Variants in DHRSX observed in about 807,000 individuals in gnomAD.
The protein encoded by DHRSX is dehydrogenase/reductase X-linked.
DHRSX carries 31 observed loss-of-function variants against 34.0 expected under a neutral mutation model. That is an observed-to-expected ratio of 0.91 (90% CI 0.69 to 1.23). The LOEUF (loss-of-function observed/expected upper bound fraction) is 1.23. DHRSX is among the 50% of genes most tolerant of loss of function. DHRSX has a pLI of 0.00. For missense variants in DHRSX, 414 were observed against 428.1 expected (o/e 0.97, Z 0.29); for synonymous variants, 201 against 183.8 (o/e 1.09, Z -0.76).
At chrX:2,275,858 T>G (rs2041624602) in intron 4 of DHRSX, among the ~76,000 whole-genome samples, 1 of 151,764 alleles carries the variant, frequency 6.6e-6, no homozygotes. Context: ...TTTAATTTTA[T>G]TTTTGAGATG....
At chrX:2,273,605 G>C (rs754564580) in intron 4 of DHRSX, among the ~76,000 whole-genome samples, 1 of 152,308 alleles carries the variant, frequency 6.6e-6, no homozygotes, top group South Asian at 2.1e-4. Flanking sequence ...GTACCCAACA[G>C]GTGGTTTTTC....
intron 1 of DHRSX, chrX:2,488,549 A>C (rs2124091914): frequency 1.4e-6 from 2 of 1,480,336 alleles, no homozygotes; most frequent in East Asian, 2.3e-5. Context: ...TCTGAGGTTC[A>C]AAACCAAGCT....
intron 3 of DHRSX, among the ~76,000 whole-genome samples, chrX:2,298,259 T>G (rs1177518479): frequency 1.3e-5 from 2 of 150,928 alleles, no homozygotes; most frequent in African/African-American, 4.9e-5. Context: ...ATTTAAAGTC[T>G]TGTCCTCCAG....
At chrX:2,340,749 C>T (rs2042630771) in intron 3 of DHRSX, among the ~76,000 whole-genome samples, 1 of 152,028 alleles carries the variant, frequency 6.6e-6, no homozygotes, top group South Asian at 2.1e-4. Flanking sequence ...GTCTACTAGG[C>T]TTGGGAGAAA....
chrX:2,342,412 C>T (rs2042652285), intron 3 of DHRSX, among the ~76,000 whole-genome samples: 1 of 152,016 alleles, frequency 6.6e-6, no homozygotes, highest in Non-Finnish European at 1.5e-5. Flanking sequence ...TGTCCCGGGG[C>T]TAGTTCTATT....
intron 3 of DHRSX, chrX:2,392,621 T>C (rs1339778002): frequency 6.4e-6 from 1 of 157,180 alleles, no homozygotes; most frequent in Non-Finnish European, 1.3e-5. Flanking sequence ...TTATATATTA[T>C]ATTTATTATA....
chrX:2,328,384 A>AGATGG (rs2042415371), intron 3 of DHRSX, among the ~76,000 whole-genome samples: 1 of 151,938 alleles, frequency 6.6e-6, no homozygotes, highest in African/African-American at 2.4e-5. Context: ...CACAGGGAGA[A>AGATGG]GATGGCGTCT....
At chrX:2,478,534 G>A (rs2044716213) in intron 1 of DHRSX, among the ~76,000 whole-genome samples, 2 of 81,814 alleles carry the variant, frequency 2.4e-5, no homozygotes, top group Admixed American at 1.1e-4. Flanking sequence ...GCGGCCAAGG[G>A]ACCACCAGTG....
At chrX:2,357,370 G>C (rs1193632933) in intron 3 of DHRSX, among the ~76,000 whole-genome samples, 1 of 152,020 alleles carries the variant, frequency 6.6e-6, no homozygotes, top group African/African-American at 2.4e-5. Flanking sequence ...AAAAATCCCT[G>C]AGATAAAAAC....
At chrX:2,246,650 GAGAA>G (rs2016290088) in intron 5 of DHRSX, among the ~76,000 whole-genome samples, 1 of 105,766 alleles carries the variant, frequency 9.5e-6, no homozygotes, top group Non-Finnish European at 2.0e-5. Flanking sequence ...GACAGAAAGA[GAGAA>G]AGAAAGAAAA....
At chrX:2,293,470 CCCTTACATTG>C (rs2041891788) in intron 3 of DHRSX, among the ~76,000 whole-genome samples, 1 of 152,106 alleles carries the variant, frequency 6.6e-6, no homozygotes, top group Admixed American at 6.6e-5. Flanking sequence ...GAAGCAAGTT[CCCTTACATTG>C]AGATGGGAAG....
At chrX:2,483,451 T>C (rs1309903492) in intron 1 of DHRSX, among the ~76,000 whole-genome samples, 2 of 151,902 alleles carry the variant, frequency 1.3e-5, no homozygotes, top group African/African-American at 4.8e-5. Context: ...GTATTTTTAG[T>C]AGGGATGAGG....
chrX:2,493,594 A>G (rs1417092021), intron 1 of DHRSX, among the ~76,000 whole-genome samples: 1 of 152,030 alleles, frequency 6.6e-6, no homozygotes, highest in Non-Finnish European at 1.5e-5. Context: ...AGTACCAGTA[A>G]CAAAGGTTTA....
At chrX:2,438,008 G>GAA (rs112487173) in intron 1 of DHRSX, among the ~76,000 whole-genome samples, 109,096 of 147,118 alleles carry the variant, frequency 0.74, 40,550 homozygotes, top group East Asian at 0.93. Context: ...TAACCATGGG[G>GAA]AAAAAAAAAA....
At chrX:2,485,656 GGATGGGGGAA>G (rs1569506105) in intron 1 of DHRSX, among the ~76,000 whole-genome samples, 2 of 72,248 alleles carry the variant, frequency 2.8e-5, no homozygotes, top group African/African-American at 1.5e-4. Flanking sequence ...AGGGAGGGAG[GGATGGGGGAA>G]GGAGGGAGGG....
At chrX:2,299,079 T>C (rs931753597) in intron 3 of DHRSX, among the ~76,000 whole-genome samples, 3 of 152,014 alleles carry the variant, frequency 2.0e-5, no homozygotes, top group African/African-American at 7.2e-5. Flanking sequence ...CTTTTAACTC[T>C]TAGCAACTGC....
chrX:2,236,557 G>C (rs565444753), intron 6 of DHRSX, among the ~76,000 whole-genome samples: 1 of 151,912 alleles, frequency 6.6e-6, no homozygotes, highest in African/African-American at 2.4e-5. Flanking sequence ...TCAGCCTCCC[G>C]AGTAGCTGGG....
intron 6 of DHRSX, 93 bp downstream of exon 6, chrX:2,242,930 C>T: frequency 7.9e-7 from 1 of 1,271,296 alleles, no homozygotes; most frequent in African/African-American, 1.5e-5. Flanking sequence ...TGCACGAGAT[C>T]CAAGAACCCT....
intron 1 of DHRSX, among the ~76,000 whole-genome samples, chrX:2,459,138 A>G (rs2044357190): frequency 6.6e-6 from 1 of 152,104 alleles, no homozygotes. Flanking sequence ...AGACTGTCTC[A>G]AAAACATAAA....
Sources: allele counts gnomAD v4.1 joint callset (sites outside exome capture counted in the v4.1 genomes callset), GRCh38; gene constraint gnomAD v4.1.1; transcripts MANE v1.5; gene names NCBI Gene and HGNC (gene_info 2026-07-23, HGNC 2026-07-21).